EML4: variants seen among roughly 807,000 people sequenced by gnomAD.
The protein encoded by EML4 is EMAP like 4.
EML4 carries 72 observed loss-of-function variants against 129.0 expected under a neutral mutation model. The ratio of observed to expected loss-of-function variants is 0.56; its 90% CI spans 0.46 to 0.68. The LOEUF (loss-of-function observed/expected upper bound fraction) is 0.68. Among genes scored for constraint, EML4 ranks in the 30% least tolerant of loss-of-function variants. The pLI, the probability that EML4 is intolerant of heterozygous loss-of-function variation, is 0.00. For missense variants in EML4, 1,363 were observed against 1,190.6 expected, an observed-to-expected ratio of 1.14 and a Z score of -2.13; for synonymous variants, 532 against 405.0, an observed-to-expected ratio of 1.31 and a Z score of -3.77.
At chr2:42,312,260 C>A (rs900422145) in intron 17 of EML4, among the ~76,000 whole-genome samples, 1 of 149,180 alleles carries the variant, frequency 6.7e-6, no homozygotes, top group African/African-American at 2.5e-5. Context: ...AAATAAAATT[C>A]TAAGCCCCCC....
intron 1 of EML4, among the ~76,000 whole-genome samples, chr2:42,176,433 A>G (rs1030619419): frequency 2.0e-5 from 3 of 152,192 alleles, no homozygotes; most frequent in African/African-American, 7.2e-5. Flanking sequence ...CATTGCTTTA[A>G]TGACTACATT....
At chr2:42,288,492 A>G (rs113384976) in intron 11 of EML4, 170 bp downstream of exon 11, 31 of 384,038 alleles carry the variant, frequency 8.1e-5, no homozygotes, top group African/African-American at 4.3e-4. Flanking sequence ...TATTAACACT[A>G]TAGTTATACA....
intron 17 of EML4, among the ~76,000 whole-genome samples, chr2:42,310,322 T>C (rs71441191): frequency 1.1e-4 from 16 of 151,076 alleles, no homozygotes; most frequent in African/African-American, 1.5e-4. Context: ...CCTTTCCCTT[T>C]CCCTTCCCCT....
chr2:42,218,207 G>A (rs1673324421), intron 1 of EML4, among the ~76,000 whole-genome samples: 1 of 151,882 alleles, frequency 6.6e-6, no homozygotes, highest in African/African-American at 2.4e-5. Flanking sequence ...AACCCTGTTG[G>A]GAACTGTGCA....
At chr2:42,212,571 C>T (rs1317638680) in intron 1 of EML4, among the ~76,000 whole-genome samples, 2 of 152,046 alleles carry the variant, frequency 1.3e-5, no homozygotes, top group African/African-American at 2.4e-5. Context: ...CTCAGCTAGT[C>T]CCTGCTAAAA....
intron 2 of EML4, among the ~76,000 whole-genome samples, chr2:42,246,514 G>A (rs1283361878): frequency 2.6e-5 from 4 of 152,172 alleles, no homozygotes; most frequent in Non-Finnish European, 5.9e-5. Context: ...AGCTGAGTAG[G>A]AGATAGTGCA....
At chr2:42,222,439 T>C (rs1450405348) in intron 1 of EML4, among the ~76,000 whole-genome samples, 1 of 152,188 alleles carries the variant, frequency 6.6e-6, no homozygotes, top group African/African-American at 2.4e-5. Context: ...CTAATTTCAG[T>C]GTCCATAAAT....
intron 18 of EML4, 22 bp from the exon 19 acceptor site, chr2:42,317,405 A>G: frequency 1.4e-6 from 2 of 1,451,610 alleles, no homozygotes; most frequent in Non-Finnish European, 9.6e-7. Context: ...TCTCTAGTCA[A>G]CACTGACCTA....
Position 42,280,879 on chromosome 2 carries a change from G to A in EML4, c.697G>A (p.Gly233Ser), listed in dbSNP as rs762729806. ...EGEYIKMFMR[G>S]RPITMFIPSD... ...AGAATATATTAAAATGTTTATGCGC[G>A]GTCGGCCAATTACCATGTTCATTCC... The change falls in exon 7 of 23, where the codon GGT (glycine) becomes AGT (serine). Residue 233 changes from glycine (G) to serine (S), a missense_variant. Transcript: ENST00000318522. 8 of 1,611,298 alleles carry A rather than the reference G, an allele frequency of 5.0e-6. No individual in the cohort carries two copies. Among genetic ancestry groups the A allele is most frequent in the Non-Finnish European group, 6.8e-6 (8 of 1,178,624 alleles).
chr2:42,294,371 G>C (rs1190171928), intron 11 of EML4, among the ~76,000 whole-genome samples: 1 of 152,154 alleles, frequency 6.6e-6, no homozygotes, highest in Admixed American at 6.5e-5. Flanking sequence ...CAGCCTGAAG[G>C]ACATATCTCT....
intron 6 of EML4, among the ~76,000 whole-genome samples, chr2:42,278,306 C>T (rs1666772905): frequency 6.6e-6 from 1 of 152,140 alleles, no homozygotes; most frequent in African/African-American, 2.4e-5. Context: ...CATGCGGTGG[C>T]TCACACAGGT....
chr2:42,223,575 C>T (rs1673760331), intron 1 of EML4, among the ~76,000 whole-genome samples: 1 of 152,058 alleles, frequency 6.6e-6, no homozygotes, highest in East Asian at 1.9e-4. Flanking sequence ...CTTTCTTCTC[C>T]TTGCTTACAA....
In EML4 at chr2:42,300,871, C is replaced by T. The variant is rs113417101; in HGVS notation, c.1490-370C>T. ...CTGTACCTCTTGTGTCTTGAGCTCTCATATCAGAAGAGTGACACCTACCCT... is the reference window on the plus strand; with the variant it reads ...CTGTACCTCTTGTGTCTTGAGCTCTTATATCAGAAGAGTGACACCTACCCT... On this transcript the variant is annotated intron_variant, in intron 13 of 22. Coordinates refer to ENST00000318522, the MANE Select transcript of EML4 (RefSeq NM_019063.5). 2.8e-4 allele frequency among the ~76,000 whole-genome samples: 42 copies of T among 152,236 alleles called. 1 individual carries two copies. The highest frequency in any genetic ancestry group is 8.7e-4 in the African/African-American group (36 of 41,538).
intron 17 of EML4, among the ~76,000 whole-genome samples, chr2:42,306,703 C>G (rs1246305436): frequency 6.6e-6 from 1 of 150,818 alleles, no homozygotes; most frequent in Non-Finnish European, 1.5e-5. Context: ...AGAGTTTCAC[C>G]GTGTTAGCCA....
intron 1 of EML4, among the ~76,000 whole-genome samples, chr2:42,214,482 G>A (rs1272439357): frequency 6.6e-6 from 1 of 151,364 alleles, no homozygotes; most frequent in Non-Finnish European, 1.5e-5. Context: ...TGAATGTATT[G>A]CTAAAAATGA....
In EML4 at chr2:42,301,364, A is replaced by C. The variant is rs766300160; in HGVS notation, c.1613A>C (p.His538Pro). The C allele has an allele frequency of 9.3e-6, 15 of 1,612,892 alleles. No individual in the cohort carries two copies. Among genetic ancestry groups the C allele is most frequent in the African/African-American group, 1.3e-5 (1 of 75,008 alleles). The change falls in exon 14 of 23, where the codon CAT (histidine) becomes CCT (proline). Residue 538 changes from histidine (H) to proline (P), a missense_variant. Transcript: ENST00000318522. ...GKDRKIILWD[H>P]DLNPEREIEV... ...GACAGAAAAATAATTCTGTGGGATC[A>C]TGATCTGAATCCTGAAAGAGAAATA...
At chr2:42,203,638 C>T (rs969703352) in intron 1 of EML4, among the ~76,000 whole-genome samples, 7 of 93,076 alleles carry the variant, frequency 7.5e-5, no homozygotes, top group African/African-American at 2.7e-4. Flanking sequence ...TTATAGCCAC[C>T]CCTTTTTTTT....
At chr2:42,195,335 G>A (rs897463472) in intron 1 of EML4, among the ~76,000 whole-genome samples, 1 of 151,978 alleles carries the variant, frequency 6.6e-6, no homozygotes, top group African/African-American at 2.4e-5. Context: ...TTAAGGATAC[G>A]GTATTCATAG....
intron 17 of EML4, among the ~76,000 whole-genome samples, chr2:42,314,057 A>G (rs905676069): frequency 6.6e-6 from 1 of 151,854 alleles, no homozygotes; most frequent in Non-Finnish European, 1.5e-5. Flanking sequence ...GGTAAAAAAT[A>G]AAGATTAAAA....
Sources: allele counts gnomAD v4.1 joint callset (sites outside exome capture counted in the v4.1 genomes callset), GRCh38; gene constraint gnomAD v4.1.1; transcripts MANE v1.5; gene names NCBI Gene and HGNC (gene_info 2026-07-23, HGNC 2026-07-21).